The following TFPI variants were observed in gnomAD, a reference collection of about 807,000 sequenced individuals.
TFPI encodes the protein anti-convertin.
In TFPI, 15 loss-of-function variants were observed where a neutral mutation model predicts 34.6. The observed-to-expected ratio is 0.43, with a 90% CI of 0.29 to 0.67. The LOEUF is 0.67. TFPI is among the 30% of genes least tolerant of loss of function. The probability of loss-of-function intolerance (pLI) is 0.15; values close to 1 mark genes in which losing one functional copy is unlikely to be tolerated. For synonymous variants in TFPI, 105 were observed against 120.1 expected (o/e 0.87, Z 0.82); for missense variants, 301 against 364.0 (o/e 0.83, Z 1.41).
chr2:187,547,310 A>G (rs1688916022), intron 1 of TFPI: 2 of 152,230 alleles, frequency 1.3e-5, no homozygotes, highest in Admixed American at 1.3e-4. Flanking sequence ...GATTAGAAAA[A>G]TGTTATAGTT....
At chr2:187,469,959 GATT>G (rs1691940802) in intron 6 of TFPI, among the ~76,000 whole-genome samples, 2 of 152,048 alleles carry the variant, frequency 1.3e-5, no homozygotes, top group South Asian at 4.2e-4. Flanking sequence ...AATATAAAAT[GATT>G]ATTAATTGCC....
Position 187,466,934 on chromosome 2 carries a change from AT to A in TFPI, c.*1del. The A allele has an allele frequency of 6.9e-7, 1 of 1,450,296 alleles. No individual in the cohort carries two copies. The allele number at this position is 1,450,296 out of a possible 1,614,324, so 89.8% of individuals were successfully genotyped here. ...AATTAATGTTACATTGCTATAACAA[AT>A]TCACATATTTTTAACAAAAATTTCT... is the stretch of plus-strand genomic sequence containing the variant. On this transcript the variant is annotated 3_prime_UTR_variant, in exon 8 of 8. Transcript: ENST00000233156.
intron 1 of TFPI, among the ~76,000 whole-genome samples, chr2:187,523,501 G>T (rs891407295): frequency 6.6e-6 from 1 of 151,976 alleles, no homozygotes; most frequent in Non-Finnish European, 1.5e-5. Flanking sequence ...CCTTCAGTGA[G>T]GTTGCCTTAA....
At chr2:187,481,000 T>C (rs1284307844) in intron 6 of TFPI, among the ~76,000 whole-genome samples, 1 of 152,092 alleles carries the variant, frequency 6.6e-6, no homozygotes, top group Non-Finnish European at 1.5e-5. Flanking sequence ...AGTCATATTA[T>C]GATAATGTTT....
intron 2 of TFPI, among the ~76,000 whole-genome samples, chr2:187,500,955 G>A (rs2106107357): frequency 6.6e-6 from 1 of 152,304 alleles, no homozygotes; most frequent in Middle Eastern, 3.4e-3. Flanking sequence ...TTAGATGACA[G>A]CAACCCCTCG....
intron 1 of TFPI, among the ~76,000 whole-genome samples, chr2:187,553,075 T>G (rs1004107837): frequency 5.3e-5 from 8 of 152,064 alleles, no homozygotes; most frequent in Admixed American, 5.2e-4. Flanking sequence ...CACTGTATAT[T>G]GAAATAATCA....
chr2:187,476,534 C>G (rs950550459), intron 6 of TFPI, among the ~76,000 whole-genome samples: 1 of 152,100 alleles, frequency 6.6e-6, no homozygotes, highest in South Asian at 2.1e-4. Context: ...GAGAGAGGGT[C>G]TCTGCATGTC....
intron 1 of TFPI, chr2:187,515,594 C>A (rs34442590): frequency 0.28 from 42,728 of 151,968 alleles, 7,224 homozygotes; most frequent in Non-Finnish European, 0.38. Flanking sequence ...CACGCACAGC[C>A]GAAGCATGAG....
chr2:187,502,538 A>G lies in TFPI; in HGVS notation c.121+1110T>C, dbSNP rs531967470. 2.3e-4 allele frequency among the ~76,000 whole-genome samples: 35 copies of G among 152,324 alleles called. No individual in the cohort carries two copies. In the South Asian group the frequency reaches 7.0e-3, roughly 31 times the overall value. ...CATAATGTTCAAATTCTTATTTTCA[A>G]AAAGGTACATTAGGGTTTTTACTAA... On this transcript the variant is annotated intron_variant, in intron 2 of 7. Coordinates refer to ENST00000233156, the MANE Select transcript of TFPI (RefSeq NM_006287.6).
At chr2:187,530,949 G>C (rs967946548) in intron 1 of TFPI, among the ~76,000 whole-genome samples, 1 of 152,106 alleles carries the variant, frequency 6.6e-6, no homozygotes, top group Non-Finnish European at 1.5e-5. Context: ...AATGGGCCTC[G>C]AGTATAAACT....
At chr2:187,539,470 G>C (rs1294964078) in intron 1 of TFPI, among the ~76,000 whole-genome samples, 2 of 152,192 alleles carry the variant, frequency 1.3e-5, no homozygotes, top group Non-Finnish European at 2.9e-5. Context: ...CCATCTATAA[G>C]ATTCAGTTTT....
chr2:187,465,002 A>T lies in TFPI; in HGVS notation c.*1934T>A, dbSNP rs1192891184. The T allele has an allele frequency of 6.6e-6, 1 of 152,180 alleles. No individual in the cohort carries two copies. The highest frequency in any genetic ancestry group is 1.5e-5 in the Non-Finnish European group (1 of 68,038). The allele number at this position is 152,180 out of a possible 1,614,324, so 9.4% of individuals were successfully genotyped here. ...TCAGTGTGAATTAGCTGAGTAATTAACATTCAGTGTACAGTGAGCATTCTT... is the reference window on the plus strand; with the variant it reads ...TCAGTGTGAATTAGCTGAGTAATTATCATTCAGTGTACAGTGAGCATTCTT... On this transcript the variant is annotated 3_prime_UTR_variant, in exon 8 of 8. Transcript: ENST00000233156.
chr2:187,481,911 CTTAG>C (rs1692895512), intron 6 of TFPI, among the ~76,000 whole-genome samples: 1 of 151,794 alleles, frequency 6.6e-6, no homozygotes, highest in South Asian at 2.1e-4. Flanking sequence ...ATTCTTACTG[CTTAG>C]TTAATAATTT....
chr2:187,535,453 T>G (rs1362731284), intron 1 of TFPI, among the ~76,000 whole-genome samples: 1 of 152,102 alleles, frequency 6.6e-6, no homozygotes, highest in Non-Finnish European at 1.5e-5. Flanking sequence ...TACAACTACA[T>G]GGAAACTGAT....
chr2:187,478,559 G>T, intron 6 of TFPI: 1 of 1,335,644 alleles, frequency 7.5e-7, no homozygotes, highest in Non-Finnish European at 9.8e-7. Flanking sequence ...TACAAGTGAG[G>T]TGCAGTGAGA....
chr2:187,499,798 C>T (rs1191391321), intron 2 of TFPI, among the ~76,000 whole-genome samples: 4 of 151,996 alleles, frequency 2.6e-5, no homozygotes, highest in African/African-American at 7.2e-5. Context: ...TGTAGAAATT[C>T]TCATATAATG....
At chr2:187,532,835 A>C (rs368103069) in intron 1 of TFPI, among the ~76,000 whole-genome samples, 20 of 152,152 alleles carry the variant, frequency 1.3e-4, no homozygotes, top group South Asian at 2.1e-4. Flanking sequence ...ACTGGTTTGA[A>C]ATTCTTGCTC....
chr2:187,505,559 ATCT>A (rs1348955023), intron 1 of TFPI, among the ~76,000 whole-genome samples: 5 of 152,150 alleles, frequency 3.3e-5, no homozygotes, highest in Non-Finnish European at 7.4e-5. Context: ...GTGTGACCCA[ATCT>A]TCTCTGCATA....
At chr2:187,541,277 T>G (rs1241344730) in intron 1 of TFPI, among the ~76,000 whole-genome samples, 1 of 152,338 alleles carries the variant, frequency 6.6e-6, no homozygotes, top group African/African-American at 2.4e-5. Context: ...GGTCTAATTT[T>G]TGAGAAAATT....
Sources: gnomAD v4.1 joint callset for allele counts (sites outside exome capture counted in the v4.1 genomes callset) on GRCh38, gnomAD v4.1.1 for gene constraint, MANE v1.5 for transcripts, NCBI Gene and HGNC (gene_info 2026-07-23, HGNC 2026-07-21) for gene names.